The following SCN3A variants were observed in gnomAD, a reference collection of about 807,000 sequenced individuals.
SCN3A encodes sodium voltage-gated channel alpha subunit 3.
A neutral mutation model predicts 187.6 loss-of-function variants in SCN3A; 60 were observed. The observed-to-expected ratio is 0.32, with a 90% CI of 0.26 to 0.40. SCN3A has a LOEUF of 0.40. Among genes scored for constraint, SCN3A ranks in the 10% least tolerant of loss-of-function variants. The pLI, the probability that SCN3A is intolerant of heterozygous loss-of-function variation, is 1.00. For missense variants in SCN3A, 1,601 were observed against 2,428.2 expected, an observed-to-expected ratio of 0.66 and a Z score of 7.16; for synonymous variants, 788 against 829.2, an observed-to-expected ratio of 0.95 and a Z score of 0.85.
At chr2:165,190,473 T>G (rs1226813589) in intron 1 of SCN3A, among the ~76,000 whole-genome samples, 1 of 149,596 alleles carries the variant, frequency 6.7e-6, no homozygotes, top group Non-Finnish European at 1.5e-5. Flanking sequence ...TTCCTTGTCT[T>G]GAGATTCCTA....
At chr2:165,164,308 C>T (rs1213898866) in intron 6 of SCN3A, 84 bp downstream of exon 6, 6 of 1,560,790 alleles carry the variant, frequency 3.8e-6, no homozygotes, top group Non-Finnish European at 4.4e-6. Flanking sequence ...GAAAGCTCTA[C>T]ATTTAATATA....
At position 165,139,495 on chromosome 2, in the gene SCN3A, A is replaced by G. The variant is rs749978387; in HGVS notation, c.2133T>C (p.Ile711=). The part of the protein sequence containing the change: ...GRQRAVSIAS[I]LTNTMEELEE... ...TCTTACCTTCCATTGTGTTGGTCAG[A>G]ATGCTGGCTATGCTCACGGCTCTTT... The change falls in exon 14 of 28, where the codon ATT becomes ATC. Residue 711 remains isoleucine (I), a synonymous_variant. Transcript: ENST00000283254. 1.2e-6 allele frequency: 2 copies of G among 1,613,790 alleles called. No homozygotes were observed. Among genetic ancestry groups the G allele is most frequent in the Non-Finnish European group, 8.5e-7 (1 of 1,179,898 alleles).
chr2:165,197,603 T>C (rs563535259), intron 1 of SCN3A, among the ~76,000 whole-genome samples: 3 of 151,514 alleles, frequency 2.0e-5, no homozygotes, highest in African/African-American at 7.2e-5. Context: ...TTTTTTCTCC[T>C]GACATTTTTA....
At chr2:165,110,595 A>C (rs1302906303) in intron 21 of SCN3A, among the ~76,000 whole-genome samples, 1 of 152,164 alleles carries the variant, frequency 6.6e-6, no homozygotes, top group African/African-American at 2.4e-5. Flanking sequence ...TTGTACTTTC[A>C]AACACTGTTT....
chr2:165,155,301 C>T (rs1433220550), intron 10 of SCN3A, among the ~76,000 whole-genome samples: 1 of 152,118 alleles, frequency 6.6e-6, no homozygotes, highest in Non-Finnish European at 1.5e-5. Flanking sequence ...GGACCTTCCT[C>T]TGTGTTCCAG....
At chr2:165,108,008 A>T (rs1670875010) in intron 21 of SCN3A, among the ~76,000 whole-genome samples, 1 of 152,156 alleles carries the variant, frequency 6.6e-6, no homozygotes. Context: ...TCTTTGTCTT[A>T]GCTTCCCTAC....
Position 165,115,522 on chromosome 2 carries a change from G to A in SCN3A, c.3447C>T (p.Pro1149=). 6.2e-7 allele frequency: 1 copy of A among 1,613,244 alleles called. No individual in the cohort carries two copies. Among genetic ancestry groups the A allele is most frequent in the South Asian group, 1.1e-5 (1 of 91,024 alleles). The change falls in exon 19 of 28, where the codon CCC becomes CCT. Residue 1149 remains proline, a synonymous_variant. Transcript: ENST00000283254. ...SEGSTVDVVL[P]REGEQAETEP... ...CAGTTTCAGCTTGTTCACCTTCTCG[G>A]GGTAGAACAACATCAACTGTGCTTC...
intron 1 of SCN3A, among the ~76,000 whole-genome samples, chr2:165,198,903 C>G (rs1028927373): frequency 4.0e-5 from 6 of 151,816 alleles, no homozygotes; most frequent in African/African-American, 1.4e-4. Context: ...GAGAAACTAA[C>G]AAACAGGTGA....
In SCN3A at chr2:165,097,354, G is replaced by C. The variant is rs1184787157; in HGVS notation, c.4137C>G (p.Asn1379Lys). ...CAAGAGCCTGACAGTCACTCAAATT[G>C]TTAACATCACTAATGTCAAACATGT... ...TGNMFDISDV[N>K]NLSDCQALGK... is the part of the protein sequence containing the mutation. Residue 1379 changes from asparagine (N) to lysine (K), a missense_variant, in exon 23 of 28, where the codon AAC (asparagine) becomes AAG (lysine). This residue lies in a region of SCN3A where 320 missense variants were observed against 623.2 expected (regional missense o/e 0.51). Coordinates refer to ENST00000283254, the MANE Select transcript of SCN3A (RefSeq NM_006922.4). 1.9e-6 allele frequency: 3 copies of C among 1,614,006 alleles called. No individual in the cohort carries two copies. The highest frequency in any genetic ancestry group is 2.5e-6 in the Non-Finnish European group (3 of 1,179,980).
intron 18 of SCN3A, among the ~76,000 whole-genome samples, chr2:165,119,927 A>G (rs79856802): frequency 0.015 from 2,334 of 152,340 alleles, 33 homozygotes; most frequent in Non-Finnish European, 0.025. Context: ...GAAAGCTTCC[A>G]TATAAAACCA....
intron 1 of SCN3A, among the ~76,000 whole-genome samples, chr2:165,194,733 G>T (rs1026763277): frequency 2.0e-5 from 3 of 151,534 alleles, no homozygotes; most frequent in African/African-American, 7.3e-5. Context: ...GCAGTTAAAA[G>T]AAAAACCTAG....
chr2:165,194,814 T>C (rs1168008782), intron 1 of SCN3A: 1 of 151,862 alleles, frequency 6.6e-6, no homozygotes, highest in Non-Finnish European at 1.5e-5. Context: ...AAAGGGCCCT[T>C]TGAAATAAAG....
At chr2:165,153,811 T>C (rs1176476506) in intron 11 of SCN3A, among the ~76,000 whole-genome samples, 1 of 152,000 alleles carries the variant, frequency 6.6e-6, no homozygotes, top group African/African-American at 2.4e-5. Flanking sequence ...TTTCAGTATA[T>C]GGATTTTTTT....
rs754881520 is a variant in SCN3A at position 165,154,657 on chromosome 2, G to A, written c.1175C>T (p.Thr392Ile). ...GTATGTTTTCCCAGCAGCACGTAAT[G>A]TCTAGGGGAAATGGGGGATAATTCC... ...QDYWENLYQL[T>I]LRAAGKTYMI... Residue 392 changes from threonine to isoleucine, a missense_variant and splice_region_variant, in exon 11 of 28, where the codon ACA becomes ATA. Around this residue, in one of 11 missense-constraint regions of SCN3A, gnomAD observed 47 missense variants for 105.8 expected, o/e 0.44. Transcript: ENST00000283254. 2 of 1,612,698 alleles carry A rather than the reference G, an allele frequency of 1.2e-6. No homozygotes were observed. The highest frequency in any genetic ancestry group is 1.7e-6 in the Non-Finnish European group (2 of 1,178,708).
In SCN3A at chr2:165,167,658, G is replaced by A. The variant is rs1262504007; in HGVS notation, c.473+1078C>T. 2.0e-5 allele frequency among the ~76,000 whole-genome samples: 3 copies of A among 151,984 alleles called. No individual in the cohort carries two copies. The South Asian group carries it at 6.2e-4, about 31-fold the overall frequency. Reference sequence around the variant, plus strand: ...TTCTTTGATGCAAATAACCTCATATGTGACTGAAAAATAAGAAAATGAAAT... The same window carrying A: ...TTCTTTGATGCAAATAACCTCATATATGACTGAAAAATAAGAAAATGAAAT... On this transcript the variant is annotated intron_variant, in intron 5 of 27. Transcript: ENST00000283254.
intron 14 of SCN3A, among the ~76,000 whole-genome samples, chr2:165,138,723 T>TA (rs1449334717): frequency 3.9e-5 from 6 of 152,194 alleles, no homozygotes; most frequent in African/African-American, 1.2e-4. Flanking sequence ...TGAGGCCTGT[T>TA]ACAAAATAAT....
At chr2:165,189,387 T>C (rs1303051824) in intron 1 of SCN3A, among the ~76,000 whole-genome samples, 1 of 152,232 alleles carries the variant, frequency 6.6e-6, no homozygotes, top group Non-Finnish European at 1.5e-5. Context: ...TGCTTTCAGA[T>C]GACCTAATAC....
At position 165,089,885 on chromosome 2, in the gene SCN3A, C is replaced by T. The variant is rs1322284795; in HGVS notation, c.*265G>A. ...TACAATGTTCACTTTGCACAACTAT[C>T]CCTATAGTCTAGGTAGCCATTGGGT... On this transcript the variant is annotated 3_prime_UTR_variant, in exon 28 of 28. Transcript: ENST00000283254. 2.1e-6 allele frequency: 1 copy of T among 479,164 alleles called. No homozygotes were observed. The highest frequency in any genetic ancestry group is 3.8e-6 in the Non-Finnish European group (1 of 265,842). The allele number at this position is 479,164 out of a possible 1,614,324, so 29.7% of individuals were successfully genotyped here. A position where few individuals can be genotyped will look rare whatever the true frequency, so the allele number is the denominator to read the frequency against.
intron 1 of SCN3A, among the ~76,000 whole-genome samples, chr2:165,201,570 T>G (rs1692321671): frequency 6.6e-6 from 1 of 152,050 alleles, no homozygotes; most frequent in Non-Finnish European, 1.5e-5. Flanking sequence ...TACACAATCC[T>G]GTAACACAGG....
Sources: allele counts gnomAD v4.1 joint callset (sites outside exome capture counted in the v4.1 genomes callset), GRCh38; gene constraint gnomAD v4.1.1; regional missense constraint gnomAD v4.1.1; transcripts MANE v1.5; gene names NCBI Gene and HGNC (gene_info 2026-07-23, HGNC 2026-07-21).